Variants in TRAK1 observed in about 807,000 individuals in gnomAD.
The protein encoded by TRAK1 is trafficking kinesin-binding protein 1.
In TRAK1, 33 loss-of-function variants were observed where a neutral mutation model predicts 92.1. That is an observed-to-expected ratio of 0.36 (90% confidence interval 0.27 to 0.48). The LOEUF is 0.48. Ranked by LOEUF, TRAK1 falls within the 20% of genes least tolerant of loss-of-function variation. The pLI is 0.99. For synonymous variants in TRAK1, 521 were observed against 517.3 expected (o/e 1.01, Z -0.10); for missense variants, 1,123 against 1,257.9 (o/e 0.89, Z 1.62).
intron 2 of TRAK1, among the ~76,000 whole-genome samples, chr3:42,141,307 A>G (rs1343877228): frequency 6.6e-6 from 1 of 152,220 alleles, no homozygotes; most frequent in Non-Finnish European, 1.5e-5. Context: ...AAATGCTTAC[A>G]AAAGAGAACA....
intron 1 of TRAK1, 150 bp downstream of exon 1, chr3:42,091,710 A>G (rs999748574): frequency 4.7e-5 from 33 of 704,144 alleles, no homozygotes; most frequent in Non-Finnish European, 3.5e-5. Context: ...TGCCATGTTG[A>G]ATGATAGGCA....
At chr3:42,068,144 AG>A (rs1021370448) in intron 1 of TRAK1, among the ~76,000 whole-genome samples, 4 of 151,566 alleles carry the variant, frequency 2.6e-5, no homozygotes, top group Admixed American at 6.6e-5. Context: ...TGGGCAAGAG[AG>A]CGAGACTCTG....
upstream of TRAK1, among the ~76,000 whole-genome samples, chr3:42,086,609 G>A (rs546423507): frequency 6.6e-6 from 1 of 152,158 alleles, no homozygotes; most frequent in South Asian, 2.1e-4. Flanking sequence ...GAGTCACCGT[G>A]TCCAGCCATT....
intron 13 of TRAK1, among the ~76,000 whole-genome samples, chr3:42,206,704 G>T (rs1708371337): frequency 6.6e-6 from 1 of 152,218 alleles, no homozygotes; most frequent in South Asian, 2.1e-4. Context: ...CAAGGCATGG[G>T]ATAAAAATCT....
intron 1 of TRAK1, among the ~76,000 whole-genome samples, chr3:42,099,347 G>A (rs934051378): frequency 3.3e-5 from 5 of 152,264 alleles, no homozygotes; most frequent in Admixed American, 3.3e-4. Flanking sequence ...GCAAATGGGA[G>A]GAAATGAGAG....
chr3:42,154,860 A>G (rs1699804598), intron 2 of TRAK1, among the ~76,000 whole-genome samples: 1 of 152,132 alleles, frequency 6.6e-6, no homozygotes, highest in African/African-American at 2.4e-5. Flanking sequence ...GGACAGGTGA[A>G]GTGGAGAGAA....
rs1043622 is a variant in TRAK1 at position 42,224,857 on chromosome 3, C to T, written c.*1120C>T. The T allele has an allele frequency of 0.33, 50,793 of 151,932 alleles. 8,729 individuals carry two copies. Among genetic ancestry groups the T allele is most frequent in the East Asian group, 0.46 (2,351 of 5,128 alleles). 9.4% of individuals were successfully genotyped at this position (151,932 alleles called of 1,614,324 possible). A position where few individuals can be genotyped will look rare whatever the true frequency, so the allele number is the denominator to read the frequency against. ...GGCTGGCCAGGGTGCTGTCACCATG[C>T]GGTCTTTGATTGCAGCCATTCAATG... On this transcript the variant is annotated 3_prime_UTR_variant, in exon 16 of 16. Coordinates refer to ENST00000327628, the MANE Select transcript of TRAK1 (RefSeq NM_001042646.3).
At chr3:42,067,866 A>G (rs947016562) in intron 1 of TRAK1, among the ~76,000 whole-genome samples, 3 of 151,794 alleles carry the variant, frequency 2.0e-5, no homozygotes, top group African/African-American at 4.8e-5. Flanking sequence ...AAATGTATTT[A>G]TTTATTTAGA....
chr3:42,187,757 G>A (rs1045941581), intron 4 of TRAK1, among the ~76,000 whole-genome samples: 2 of 152,136 alleles, frequency 1.3e-5, no homozygotes, highest in Admixed American at 6.5e-5. Flanking sequence ...GCCAGCCACC[G>A]TGCCCGGCCC....
chr3:42,110,669 G>A (rs1206459516), intron 1 of TRAK1, among the ~76,000 whole-genome samples: 1 of 152,132 alleles, frequency 6.6e-6, no homozygotes, highest in African/African-American at 2.4e-5. Context: ...AGCTTTTTGT[G>A]GCCCAGGAGG....
intron 2 of TRAK1, among the ~76,000 whole-genome samples, chr3:42,159,755 C>T (rs1264452838): frequency 1.3e-5 from 2 of 152,136 alleles, no homozygotes; most frequent in East Asian, 1.9e-4. Flanking sequence ...TAGAATGATC[C>T]CTTCCTTCCT....
In TRAK1 at chr3:42,108,810, T is replaced by A. The variant is rs1273284857; in HGVS notation, c.92-16610T>A. Among the ~76,000 whole-genome samples, 3 of 152,044 alleles carry A rather than the reference T, an allele frequency of 2.0e-5. No homozygotes were observed. The East Asian group carries it at 5.8e-4, about 29-fold the overall frequency. ...AGGCATGACAATAGTAAGATGAGTC[T>A]TGCCCAATTTGACCATAATGCTCCT... On this transcript the variant is annotated intron_variant, in intron 1 of 15. Coordinates refer to ENST00000327628, the MANE Select transcript of TRAK1 (RefSeq NM_001042646.3).
At chr3:42,136,495 A>T (rs1318582701) in intron 2 of TRAK1, among the ~76,000 whole-genome samples, 1 of 152,056 alleles carries the variant, frequency 6.6e-6, no homozygotes, top group Non-Finnish European at 1.5e-5. Context: ...CAGGCGGTGC[A>T]TACCTGTAGT....
chr3:42,086,062 C>T (rs986814405), upstream of TRAK1, among the ~76,000 whole-genome samples: 5 of 152,186 alleles, frequency 3.3e-5, no homozygotes, highest in African/African-American at 4.8e-5. Flanking sequence ...TTTCCTTTTT[C>T]ATTAAGCTCC....
chr3:42,020,658 A>C (rs1320934222), intron 1 of TRAK1, among the ~76,000 whole-genome samples: 3 of 152,238 alleles, frequency 2.0e-5, no homozygotes, highest in Non-Finnish European at 4.4e-5. Context: ...GGAGTGGATC[A>C]TTGGGTCATA....
chr3:42,026,198 T>G (rs1415482133), intron 1 of TRAK1, among the ~76,000 whole-genome samples: 7 of 152,182 alleles, frequency 4.6e-5, no homozygotes, highest in Admixed American at 4.6e-4. Flanking sequence ...CAGAGGCACA[T>G]GAAGAAAGTT....
chr3:42,127,034 T>C (rs1710653066), intron 2 of TRAK1, among the ~76,000 whole-genome samples: 1 of 152,198 alleles, frequency 6.6e-6, no homozygotes, highest in Non-Finnish European at 1.5e-5. Flanking sequence ...ATTTCTAATG[T>C]GTCTTGTAGC....
chr3:42,194,695 G>A (rs893145062), intron 9 of TRAK1, 109 bp from the exon 10 acceptor site: 121 of 1,357,920 alleles, frequency 8.9e-5, no homozygotes, highest in Non-Finnish European at 1.1e-4. Flanking sequence ...GGTTCCACAC[G>A]TGCTGGGGAC....
At chr3:42,055,815 C>T (rs899001366) in intron 1 of TRAK1, among the ~76,000 whole-genome samples, 6 of 152,114 alleles carry the variant, frequency 3.9e-5, no homozygotes, top group Non-Finnish European at 7.3e-5. Flanking sequence ...AACCCTGTAT[C>T]CATTAGCAGT....
Sources: allele counts gnomAD v4.1 joint callset (sites outside exome capture counted in the v4.1 genomes callset), GRCh38; gene constraint gnomAD v4.1.1; transcripts MANE v1.5; gene names NCBI Gene and HGNC (gene_info 2026-07-23, HGNC 2026-07-21).